The following RC3H1 variants were observed in gnomAD, a reference collection of about 807,000 sequenced individuals.
The protein encoded by RC3H1 is roquin-1.
Under a neutral mutation model 138.2 loss-of-function variants are expected in RC3H1, and 50 were observed. The ratio of observed to expected loss-of-function variants is 0.36; its 90% CI spans 0.29 to 0.46. The LOEUF (loss-of-function observed/expected upper bound fraction) is 0.46, where lower values mean the gene tolerates loss of function less well. Ranked by LOEUF, RC3H1 falls within the 20% of genes least tolerant of loss-of-function variation. RC3H1 has a pLI of 1.00. For missense variants in RC3H1, 1,031 were observed against 1,388.1 expected, an observed-to-expected ratio of 0.74 and a Z score of 4.09; for synonymous variants, 462 against 489.1, an observed-to-expected ratio of 0.94 and a Z score of 0.73.
At chr1:173,947,675 C>T (rs1320229228) in intron 14 of RC3H1, 93 bp from the exon 15 acceptor site, 1 of 874,900 alleles carries the variant, frequency 1.1e-6, no homozygotes, top group Non-Finnish European at 1.8e-6. Flanking sequence ...AAGAAGAGTA[C>T]AGCACTCTTA....
intron 14 of RC3H1, among the ~76,000 whole-genome samples, 177 bp from the exon 15 acceptor site, chr1:173,947,759 G>A (rs1268854340): frequency 6.6e-6 from 1 of 151,976 alleles, no homozygotes; most frequent in Non-Finnish European, 1.5e-5. Flanking sequence ...CTGAGGTGAG[G>A]GGCGACAGGG....
intron 1 of RC3H1, among the ~76,000 whole-genome samples, chr1:173,996,573 CTGGCCACTCACAGATAAACCTGAG>C: frequency 6.6e-6 from 1 of 152,296 alleles, no homozygotes; most frequent in African/African-American, 2.4e-5. Context: ...CTCACAGACC[CTGGCCACTCACAGATAAACCTGAG>C]TGAACTTTCC....
Position 173,962,115 on chromosome 1 carries a change from A to T in RC3H1, c.1832-20T>A. 1 of 1,558,272 alleles carries T rather than the reference A, an allele frequency of 6.4e-7. No homozygotes were observed. Among genetic ancestry groups the T allele is most frequent in the Non-Finnish European group, 8.7e-7 (1 of 1,148,150 alleles). On this transcript the variant is annotated intron_variant, in intron 11 of 19. Coordinates refer to ENST00000367696, the MANE Select transcript of RC3H1 (RefSeq NM_172071.4). ...ACATACCTGCACAATACAAAAGAGG[A>T]CCCAAAAGCAAATAATGAGCCAATT...
chr1:174,000,771 A>AT (rs1471941309), intron 1 of RC3H1, among the ~76,000 whole-genome samples: 6 of 152,218 alleles, frequency 3.9e-5, no homozygotes, highest in African/African-American at 1.4e-4. Flanking sequence ...GAAGCAGGAG[A>AT]TAAAAACACA....
intron 13 of RC3H1, among the ~76,000 whole-genome samples, chr1:173,959,161 A>T (rs1357251284): frequency 6.6e-6 from 1 of 152,018 alleles, no homozygotes; most frequent in Non-Finnish European, 1.5e-5. Flanking sequence ...AAAAAGGGGA[A>T]AAAGATTATT....
At chr1:173,987,996 G>A (rs960776597) in intron 2 of RC3H1, among the ~76,000 whole-genome samples, 2 of 152,224 alleles carry the variant, frequency 1.3e-5, no homozygotes, top group African/African-American at 4.8e-5. Flanking sequence ...ACCCCCATGG[G>A]AAAAGACTAG....
Position 173,997,284 on chromosome 1 carries a change from T to C in RC3H1, c.-150-4149A>G, listed in dbSNP as rs190647037. On this transcript the variant is annotated intron_variant, in intron 1 of 19. Transcript: ENST00000367696. ...CACAGTTGGGCAACTTACAAAAGTA[T>C]GTAATCATGAATTACTTATATAAGT... Among the ~76,000 whole-genome samples, 221 of 152,300 alleles carry C rather than the reference T, an allele frequency of 1.5e-3. 2 individuals carry two copies. Among genetic ancestry groups the C allele is most frequent in the African/African-American group, 5.1e-3 (213 of 41,564 alleles).
intron 1 of RC3H1, among the ~76,000 whole-genome samples, chr1:174,010,776 C>T (rs1306508444): frequency 6.6e-6 from 1 of 152,110 alleles, no homozygotes; most frequent in Non-Finnish European, 1.5e-5. Context: ...TAGTCACTTA[C>T]CTACATCAAA....
At chr1:173,943,647 C>G (rs539983265) in intron 17 of RC3H1, 32 bp from the exon 18 acceptor site, 1 of 1,587,052 alleles carries the variant, frequency 6.3e-7, no homozygotes, top group African/African-American at 1.3e-5. Flanking sequence ...ACAGAAAACT[C>G]AACACACTTC....
At chr1:173,944,666 A>G (rs1322781) in intron 17 of RC3H1, among the ~76,000 whole-genome samples, 7,242 of 152,324 alleles carry the variant, frequency 0.048, 568 homozygotes, top group African/African-American at 0.16. Flanking sequence ...TTAATGAACG[A>G]AAGATTGCCA....
At chr1:174,001,935 G>A (rs1236779543) in intron 1 of RC3H1, among the ~76,000 whole-genome samples, 2 of 152,022 alleles carry the variant, frequency 1.3e-5, no homozygotes, top group Non-Finnish European at 2.9e-5. Flanking sequence ...AAGATCAGGA[G>A]TATTTTTAGT....
At chr1:173,963,827 A>G (rs775695913) in intron 11 of RC3H1, 146 bp downstream of exon 11, 209 of 657,784 alleles carry the variant, frequency 3.2e-4, no homozygotes, top group Non-Finnish European at 4.9e-4. Flanking sequence ...GTTAATCATA[A>G]AATCTCAATT....
At chr1:173,960,416 A>G (rs188011629) in intron 13 of RC3H1, among the ~76,000 whole-genome samples, 5 of 152,382 alleles carry the variant, frequency 3.3e-5, no homozygotes, top group Admixed American at 3.3e-4. Flanking sequence ...TAATAATTTT[A>G]TTTAATCCAA....
At chr1:174,021,763 C>T (rs1178074057) in intron 1 of RC3H1, among the ~76,000 whole-genome samples, 1 of 152,222 alleles carries the variant, frequency 6.6e-6, no homozygotes, top group Non-Finnish European at 1.5e-5. Context: ...CCGCCTGGCC[C>T]AGGCCCTGGG....
chr1:173,976,492 A>T (rs903200579), intron 7 of RC3H1, among the ~76,000 whole-genome samples: 1 of 152,036 alleles, frequency 6.6e-6, no homozygotes, highest in Non-Finnish European at 1.5e-5. Context: ...AATCAAGTAC[A>T]GTAAGAACTG....
chr1:174,007,315 G>A (rs559414928), intron 1 of RC3H1, among the ~76,000 whole-genome samples: 9 of 151,928 alleles, frequency 5.9e-5, no homozygotes, highest in African/African-American at 1.7e-4. Flanking sequence ...GCGTGAACCC[G>A]GGAGGCGGAG....
intron 13 of RC3H1, among the ~76,000 whole-genome samples, chr1:173,956,461 A>T (rs1302748433): frequency 6.6e-6 from 1 of 152,032 alleles, no homozygotes; most frequent in Non-Finnish European, 1.5e-5. Flanking sequence ...GGAGTTTGAG[A>T]CCAGCCTGAT....
intron 1 of RC3H1, among the ~76,000 whole-genome samples, chr1:173,996,071 T>C (rs893884746): frequency 1.3e-5 from 2 of 152,108 alleles, no homozygotes; most frequent in Admixed American, 1.3e-4. Flanking sequence ...CTGGCCAACA[T>C]GGTGAAACCC....
intron 13 of RC3H1, among the ~76,000 whole-genome samples, chr1:173,960,393 G>C (rs1468099777): frequency 6.6e-6 from 1 of 152,058 alleles, no homozygotes; most frequent in Non-Finnish European, 1.5e-5. Flanking sequence ...ACAAAAACAG[G>C]TGAAATTAAT....
Sources: allele counts gnomAD v4.1 joint callset (sites outside exome capture counted in the v4.1 genomes callset), GRCh38; gene constraint gnomAD v4.1.1; transcripts MANE v1.5; gene names NCBI Gene and HGNC (gene_info 2026-07-23, HGNC 2026-07-21).